The following BIRC6 variants were observed in gnomAD, a reference collection of about 807,000 sequenced individuals.
The protein encoded by BIRC6 is baculoviral IAP repeat containing 6.
A neutral mutation model predicts 503.3 loss-of-function variants in BIRC6; 98 were observed. That is an observed-to-expected ratio of 0.19 (90% CI 0.17 to 0.23). The LOEUF (loss-of-function observed/expected upper bound fraction) is 0.23, where lower values mean the gene tolerates loss of function less well. Ranked by LOEUF, BIRC6 falls within the 10% of genes least tolerant of loss-of-function variation. The pLI, the probability that BIRC6 is intolerant of heterozygous loss-of-function variation, is 1.00. For missense variants in BIRC6, 5,360 were observed against 5,806.0 expected, an observed-to-expected ratio of 0.92 and a Z score of 2.50; for synonymous variants, 2,240 against 2,078.7, an observed-to-expected ratio of 1.08 and a Z score of -2.11.
chr2:32,510,697 T>C (rs1373660344), intron 53 of BIRC6, 63 bp downstream of exon 53: 5 of 1,133,202 alleles, frequency 4.4e-6, no homozygotes, highest in African/African-American at 3.1e-5. Flanking sequence ...ATAGTAAATG[T>C]TTCTGACAGT....
chr2:32,520,655 A>G (rs2055555957), intron 57 of BIRC6, among the ~76,000 whole-genome samples: 1 of 152,144 alleles, frequency 6.6e-6, no homozygotes, highest in Non-Finnish European at 1.5e-5. Flanking sequence ...CATGTCTACT[A>G]AAAATACAAA....
chr2:32,418,359 C>A (rs1453533485), intron 10 of BIRC6, among the ~76,000 whole-genome samples: 3 of 152,076 alleles, frequency 2.0e-5, no homozygotes, highest in Non-Finnish European at 4.4e-5. Flanking sequence ...ATTATTGTCT[C>A]CGTTTTGTAC....
intron 6 of BIRC6, among the ~76,000 whole-genome samples, chr2:32,397,356 C>A (rs1163816673): frequency 6.6e-6 from 1 of 151,802 alleles, no homozygotes; most frequent in East Asian, 1.9e-4. Context: ...CCTGTAATTC[C>A]AGCTACTCGG....
chr2:32,506,874 T>C (rs567774402), intron 50 of BIRC6, among the ~76,000 whole-genome samples: 1 of 152,290 alleles, frequency 6.6e-6, no homozygotes, highest in African/African-American at 2.4e-5. Flanking sequence ...TAGATAATAC[T>C]TTCCTCAAAA....
At chr2:32,396,947 C>T (rs1248596183) in intron 6 of BIRC6, among the ~76,000 whole-genome samples, 7 of 151,970 alleles carry the variant, frequency 4.6e-5, no homozygotes, top group Non-Finnish European at 7.4e-5. Flanking sequence ...AGGTTGGTCT[C>T]GAACTCCTGA....
intron 1 of BIRC6, among the ~76,000 whole-genome samples, chr2:32,367,948 G>C (rs889838204): frequency 7.9e-5 from 12 of 152,192 alleles, no homozygotes; most frequent in African/African-American, 2.9e-4. Flanking sequence ...GGGAAGATGG[G>C]AATGTCTTCT....
intron 61 of BIRC6, among the ~76,000 whole-genome samples, chr2:32,535,251 C>G (rs192375438): frequency 3.2e-4 from 47 of 148,018 alleles, no homozygotes; most frequent in Admixed American, 6.8e-4. Context: ...AGCAATAACA[C>G]TAACAACTGG....
intron 70 of BIRC6, among the ~76,000 whole-genome samples, chr2:32,601,579 C>CT (rs2062061496): frequency 6.7e-6 from 1 of 149,914 alleles, no homozygotes; most frequent in Non-Finnish European, 1.5e-5. Flanking sequence ...GAAATTCTGT[C>CT]TAAAAAAAAA....
At chr2:32,408,666 G>C (rs1166294694) in intron 9 of BIRC6, among the ~76,000 whole-genome samples, 2 of 152,006 alleles carry the variant, frequency 1.3e-5, no homozygotes, top group Non-Finnish European at 1.5e-5. Flanking sequence ...ATCTATGCCT[G>C]TTTGATTTTT....
intron 2 of BIRC6, among the ~76,000 whole-genome samples, chr2:32,379,943 T>C (rs891056405): frequency 2.0e-5 from 3 of 152,174 alleles, no homozygotes; most frequent in Non-Finnish European, 4.4e-5. Context: ...GTAGTATTTC[T>C]ACACTGAATA....
At chr2:32,519,471 A>T (rs1412269099) in intron 57 of BIRC6, among the ~76,000 whole-genome samples, 1 of 152,142 alleles carries the variant, frequency 6.6e-6, no homozygotes, top group Non-Finnish European at 1.5e-5. Flanking sequence ...ATAGTTTTTT[A>T]AAAAGCAGTT....
Position 32,467,662 on chromosome 2 carries a change from G to C in BIRC6, c.5494G>C (p.Val1832Leu), listed in dbSNP as rs745751013. Residue 1832 changes from valine to leucine, a missense_variant, in exon 27 of 74, where the codon GTA becomes CTA. Around this residue, in one of 16 missense-constraint regions of BIRC6, gnomAD observed 2,299 missense variants for 2,267.2 expected, o/e 1.01. Coordinates refer to ENST00000421745, the MANE Select transcript of BIRC6 (RefSeq NM_016252.4). ...LGEEVDGRRL[V>L]VATDISTHSL... ...AGAAGAGGTGGATGGAAGGCGGTTG[G>C]TAGTGGCAACTGATATAAGCACTCA... The C allele has an allele frequency of 1.2e-6, 2 of 1,613,774 alleles. No homozygotes were observed. Among genetic ancestry groups the C allele is most frequent in the Non-Finnish European group, 1.7e-6 (2 of 1,179,880 alleles).
At chr2:32,423,264 G>A (rs146265793) in intron 10 of BIRC6, among the ~76,000 whole-genome samples, 28 of 152,172 alleles carry the variant, frequency 1.8e-4, no homozygotes, top group African/African-American at 6.5e-4. Flanking sequence ...GAATTATTGG[G>A]TCATGGGTTA....
intron 6 of BIRC6, among the ~76,000 whole-genome samples, chr2:32,396,802 C>T (rs1188530021): frequency 1.3e-5 from 2 of 152,162 alleles, no homozygotes; most frequent in Non-Finnish European, 2.9e-5. Flanking sequence ...CGGCTCACTG[C>T]AACCTCTACC....
chr2:32,419,014 G>C (rs931133270), intron 10 of BIRC6, among the ~76,000 whole-genome samples: 1 of 152,120 alleles, frequency 6.6e-6, no homozygotes, highest in African/African-American at 2.4e-5. Flanking sequence ...GGTACAGTCC[G>C]GAATTCCTAG....
intron 64 of BIRC6, chr2:32,548,963 C>T (rs943062850): frequency 1.3e-5 from 2 of 159,944 alleles, no homozygotes; most frequent in African/African-American, 4.8e-5. Context: ...CTAGAATGCT[C>T]CTTCTAGTAT....
At chr2:32,578,823 C>A (rs1410349684) in intron 66 of BIRC6, among the ~76,000 whole-genome samples, 3 of 151,376 alleles carry the variant, frequency 2.0e-5, no homozygotes, top group Non-Finnish European at 4.4e-5. Flanking sequence ...TACATACATA[C>A]ATACATACAT....
intron 55 of BIRC6, 53 bp downstream of exon 55, chr2:32,515,823 C>T: frequency 6.8e-7 from 1 of 1,475,302 alleles, no homozygotes; most frequent in African/African-American, 1.4e-5. Flanking sequence ...TAAGAAAGGG[C>T]CATGTATAAA....
At chr2:32,359,757 T>TG (rs1221734794) in intron 1 of BIRC6, among the ~76,000 whole-genome samples, 1 of 152,120 alleles carries the variant, frequency 6.6e-6, no homozygotes, top group Admixed American at 6.6e-5. Flanking sequence ...TTTGTAGAGA[T>TG]GGGGTTTTGC....
Sources: gnomAD v4.1 joint callset for allele counts (sites outside exome capture counted in the v4.1 genomes callset) on GRCh38, gnomAD v4.1.1 for gene constraint, gnomAD v4.1.1 regional missense constraint, MANE v1.5 for transcripts, NCBI Gene and HGNC (gene_info 2026-07-23, HGNC 2026-07-21) for gene names.